Variants in FAM20B observed in about 807,000 individuals in gnomAD.
FAM20B encodes the protein glycosaminoglycan xylosylkinase.
A neutral mutation model predicts 43.8 loss-of-function variants in FAM20B; 23 were observed. The observed-to-expected ratio is 0.53, with a 90% confidence interval of 0.38 to 0.74. The LOEUF (loss-of-function observed/expected upper bound fraction) is 0.74. Among genes scored for constraint, FAM20B ranks in the 30% least tolerant of loss-of-function variants. The pLI is 0.00. For synonymous variants in FAM20B, 178 were observed against 192.4 expected (o/e 0.93, Z 0.62); for missense variants, 440 against 510.5 (o/e 0.86, Z 1.33).
intron 2 of FAM20B, 84 bp from the exon 3 acceptor site, chr1:179,050,195 T>A (rs561208083): frequency 3.3e-6 from 3 of 900,642 alleles, no homozygotes; most frequent in East Asian, 4.9e-5. Context: ...TCAGGCTTGC[T>A]AATGGGTGTA....
chr1:179,021,564 T>A (rs561241239), upstream of FAM20B, among the ~76,000 whole-genome samples: 92 of 152,196 alleles, frequency 6.0e-4, no homozygotes, highest in Non-Finnish European at 9.6e-4. Context: ...GTTAAACAAA[T>A]TTCTATAGCC....
At position 179,073,647 on chromosome 1, in the gene FAM20B, G is replaced by C. The variant is rs1652023628; in HGVS notation, c.*1503G>C. The C allele has an allele frequency of 1.3e-5, 2 of 152,140 alleles. No individual in the cohort carries two copies. The highest frequency in any genetic ancestry group is 4.1e-4 in the South Asian group (2 of 4,832). The allele number at this position is 152,140 out of a possible 1,614,324, so 9.4% of individuals were successfully genotyped here. A position where few individuals can be genotyped will look rare whatever the true frequency, so the allele number is the denominator to read the frequency against. ...CAAGATTTTAAGCCTTCTGAGCCTT[G>C]AAATTGAGGAGGTTAAAAGGAAGAG... On this transcript the variant is annotated 3_prime_UTR_variant, in exon 8 of 8. Coordinates refer to ENST00000263733, the MANE Select transcript of FAM20B (RefSeq NM_014864.4).
chr1:179,047,627 A>T (rs1246927916), intron 2 of FAM20B, among the ~76,000 whole-genome samples: 2 of 152,204 alleles, frequency 1.3e-5, no homozygotes, highest in African/African-American at 2.4e-5. Flanking sequence ...GTCACTGCAC[A>T]TACTGACCTG....
chr1:179,073,792 G>A lies in FAM20B; in HGVS notation c.*1648G>A, dbSNP rs1358061789. On this transcript the variant is annotated 3_prime_UTR_variant, in exon 8 of 8. Transcript: ENST00000263733. Reference sequence around the variant, plus strand: ...CTTAGCACTCTCAAATTTCAGGTTTGTAAAACACAGTTTTTGTTTTGTGTT... The same window carrying A: ...CTTAGCACTCTCAAATTTCAGGTTTATAAAACACAGTTTTTGTTTTGTGTT... The A allele has an allele frequency of 6.6e-6, 1 of 152,206 alleles. No homozygotes were observed. The highest frequency in any genetic ancestry group is 1.5e-5 in the Non-Finnish European group (1 of 68,042). 9.4% of individuals were successfully genotyped at this position (152,206 alleles called of 1,614,324 possible).
intron 7 of FAM20B, among the ~76,000 whole-genome samples, chr1:179,071,295 C>CA (rs1042624248): frequency 2.0e-5 from 3 of 148,842 alleles, no homozygotes; most frequent in East Asian, 2.0e-4. Context: ...GACTCTGTCT[C>CA]AAAAAAAAAA....
chr1:179,041,003 C>T (rs1483498698), intron 1 of FAM20B, among the ~76,000 whole-genome samples: 1 of 149,854 alleles, frequency 6.7e-6, no homozygotes, highest in Non-Finnish European at 1.5e-5. Context: ...GCGCTCCCCA[C>T]ATCTCAGACG....
At chr1:179,035,700 T>G (rs1454418492) in intron 1 of FAM20B, 4 of 341,958 alleles carry the variant, frequency 1.2e-5, no homozygotes, top group Non-Finnish European at 2.2e-5. Flanking sequence ...AGACTTTACA[T>G]TAAGACCTCA....
chr1:179,024,298 A>G (rs780425169), upstream of FAM20B, among the ~76,000 whole-genome samples: 34 of 152,224 alleles, frequency 2.2e-4, no homozygotes, highest in Non-Finnish European at 4.1e-4. Flanking sequence ...AGGCTGCAGG[A>G]TAAGCTGGCC....
the FAM20B span, among the ~76,000 whole-genome samples, chr1:179,020,036 C>A: frequency 2.0e-5 from 3 of 152,118 alleles, no homozygotes; most frequent in Non-Finnish European, 2.9e-5. Context: ...CTGTTCGGGT[C>A]ACCTCCCTGT....
chr1:179,060,250 A>G (rs1330505366), intron 4 of FAM20B, among the ~76,000 whole-genome samples: 5 of 152,214 alleles, frequency 3.3e-5, no homozygotes, highest in African/African-American at 1.2e-4. Flanking sequence ...AAAGTGTTCC[A>G]TTATTTGGGT....
At chr1:179,025,678 G>C (rs988839834), upstream of FAM20B, 4 of 152,580 alleles carry the variant, frequency 2.6e-5, no homozygotes, top group Non-Finnish European at 5.8e-5. Context: ...AGCGGGCAGG[G>C]CGGCGCGGCC....
At chr1:179,027,779 T>A (rs890986337) in intron 1 of FAM20B, among the ~76,000 whole-genome samples, 3 of 152,230 alleles carry the variant, frequency 2.0e-5, no homozygotes, top group Non-Finnish European at 4.4e-5. Context: ...CTAGAACTGG[T>A]AGGACAGTAG....
intron 1 of FAM20B, among the ~76,000 whole-genome samples, chr1:179,037,178 T>C (rs1350725142): frequency 2.0e-5 from 3 of 152,152 alleles, no homozygotes; most frequent in Non-Finnish European, 4.4e-5. Flanking sequence ...CTAGGCTGGA[T>C]TGGAGAACCT....
intron 4 of FAM20B, among the ~76,000 whole-genome samples, chr1:179,060,458 C>T (rs553081987): frequency 1.3e-5 from 2 of 152,266 alleles, no homozygotes; most frequent in South Asian, 2.1e-4. Context: ...CGAGCATTAC[C>T]GCCTCAGCAC....
At chr1:179,070,035 ATTTATTTTAT>A (rs1010084417) in intron 7 of FAM20B, among the ~76,000 whole-genome samples, 1 of 151,932 alleles carries the variant, frequency 6.6e-6, no homozygotes, top group Non-Finnish European at 1.5e-5. Context: ...AGACTGGGTA[ATTTATTTTAT>A]TTTATTTTAT....
upstream of FAM20B, chr1:179,025,725 G>T (rs1649729871): frequency 6.6e-6 from 1 of 151,892 alleles, no homozygotes; most frequent in Admixed American, 6.5e-5. Flanking sequence ...GGAGTTAAGC[G>T]GACGGGCCCG....
chr1:179,022,471 C>A (rs548026536), upstream of FAM20B, among the ~76,000 whole-genome samples: 18 of 152,174 alleles, frequency 1.2e-4, no homozygotes, highest in African/African-American at 3.1e-4. Context: ...TGCGCGCGCG[C>A]GTGTATGCAT....
intron 7 of FAM20B, among the ~76,000 whole-genome samples, chr1:179,068,426 G>C (rs140579984): frequency 9.9e-5 from 15 of 151,850 alleles, no homozygotes; most frequent in Non-Finnish European, 1.9e-4. Flanking sequence ...AAACAGAGGT[G>C]TTTAATATAA....
chr1:179,056,986 T>A (rs1421877824), intron 4 of FAM20B, among the ~76,000 whole-genome samples: 5 of 152,234 alleles, frequency 3.3e-5, no homozygotes. Flanking sequence ...GTTTTCTTAC[T>A]GTCAAGTTTT....
Sources: allele counts gnomAD v4.1 joint callset (sites outside exome capture counted in the v4.1 genomes callset), GRCh38; gene constraint gnomAD v4.1.1; transcripts MANE v1.5; gene names NCBI Gene and HGNC (gene_info 2026-07-23, HGNC 2026-07-21).